The following NNT variants were observed in gnomAD, a reference collection of about 807,000 sequenced individuals.
NNT encodes the protein NAD(P) transhydrogenase, mitochondrial.
NNT carries 50 observed loss-of-function variants against 104.8 expected under a neutral mutation model. The observed-to-expected ratio is 0.48, with a 90% CI of 0.38 to 0.60. The LOEUF (loss-of-function observed/expected upper bound fraction) is 0.60, where lower values mean the gene tolerates loss of function less well. Ranked by LOEUF, NNT falls within the 20% of genes least tolerant of loss-of-function variation. The pLI, the probability that NNT is intolerant of heterozygous loss-of-function variation, is 0.00. For synonymous variants in NNT, 461 were observed against 490.4 expected (o/e 0.94, Z 0.79); for missense variants, 1,131 against 1,330.7 (o/e 0.85, Z 2.33).
chr5:43,634,972 C>T (rs1750859638), intron 7 of NNT, among the ~76,000 whole-genome samples: 1 of 152,208 alleles, frequency 6.6e-6, no homozygotes, highest in South Asian at 2.1e-4. Context: ...ATGCTTCCTT[C>T]CTGGCTTTCC....
At chr5:43,668,566 A>AT (rs1184539891) in intron 17 of NNT, among the ~76,000 whole-genome samples, 122 of 152,060 alleles carry the variant, frequency 8.0e-4, no homozygotes, top group African/African-American at 2.7e-3. Context: ...TTTTTGTCAG[A>AT]TTTGTCAAAG....
In NNT at chr5:43,651,838, T is replaced by C. The variant is rs139379760; in HGVS notation, c.1817T>C (p.Val606Ala). 9.9e-5 allele frequency: 159 copies of C among 1,614,140 alleles called. No individual in the cohort carries two copies. In the Admixed American group the frequency reaches 1.7e-3, roughly 17 times the overall value. The change falls in exon 13 of 22, where the codon GTT (valine) becomes GCT (alanine). Residue 606 changes from valine (V) to alanine (A), a missense_variant. Physicochemically the swap from Val to Ala is moderately conservative, Grantham distance 64. Transcript: ENST00000344920. ...YLYLLPAGTFVGGYLAALYSG... is the reference protein window; with the variant it reads ...YLYLLPAGTFAGGYLAALYSG... ...TACCTGCTCCCTGCCGGCACCTTTG[T>C]TGGTGGATATTTAGCTGCCCTCTAC...
chr5:43,702,315 A>AT (rs1286745010), intron 20 of NNT, among the ~76,000 whole-genome samples: 1 of 152,214 alleles, frequency 6.6e-6, no homozygotes, highest in African/African-American at 2.4e-5. Flanking sequence ...TTGCAAGATC[A>AT]TTTTGAGATC....
chr5:43,651,832 C>A lies in NNT; in HGVS notation c.1811C>A (p.Thr604Asn). ...YNYLYLLPAG[T>N]FVGGYLAALY... The stretch of plus-strand genomic sequence containing the variant: ...TACCTGTACCTGCTCCCTGCCGGCA[C>A]CTTTGTTGGTGGATATTTAGCTGCC... The change falls in exon 13 of 22, where the codon ACC (threonine) becomes AAC (asparagine). Residue 604 changes from threonine (T) to asparagine (N), a missense_variant. Transcript: ENST00000344920. The A allele has an allele frequency of 1.2e-6, 2 of 1,614,068 alleles. No individual in the cohort carries two copies. Among genetic ancestry groups the A allele is most frequent in the South Asian group, 2.2e-5 (2 of 91,074 alleles).
intron 17 of NNT, among the ~76,000 whole-genome samples, chr5:43,663,227 CCTT>C (rs1411672538): frequency 6.6e-6 from 1 of 151,906 alleles, no homozygotes; most frequent in Non-Finnish European, 1.5e-5. Flanking sequence ...TTGCAGTTTT[CCTT>C]CTTCTACATC....
At chr5:43,688,441 T>C (rs1315989091) in intron 19 of NNT, among the ~76,000 whole-genome samples, 1 of 152,164 alleles carries the variant, frequency 6.6e-6, no homozygotes, top group Non-Finnish European at 1.5e-5. Flanking sequence ...AATAGGTTTT[T>C]GGGGAATAGG....
Position 43,655,903 on chromosome 5 carries a change from G to A in NNT, c.2123G>A (p.Ser708Asn). ...CCTCAATTAGTTGCTGCTTTTCACA[G>A]TTTAGTGGGTTTGGCAGCTGTACTT... ...DLPQLVAAFH[S>N]LVGLAAVLTC... The change falls in exon 15 of 22, where the codon AGT becomes AAT. Residue 708 changes from serine (S) to asparagine (N), a missense_variant. Coordinates refer to ENST00000344920, the MANE Select transcript of NNT (RefSeq NM_182977.3). The A allele has an allele frequency of 6.2e-7, 1 of 1,614,202 alleles. No homozygotes were observed. Among genetic ancestry groups the A allele is most frequent in the Non-Finnish European group, 8.5e-7 (1 of 1,180,044 alleles).
rs1411741793 is a variant in NNT at position 43,698,848 on chromosome 5, A to G, written c.2877-1271A>G. ...CACATATATACACATACTTGCACAC[A>G]CATGCACACACACACATATATATGT... On this transcript the variant is annotated intron_variant, in intron 19 of 21. Transcript: ENST00000344920. 4.0e-5 allele frequency among the ~76,000 whole-genome samples: 6 copies of G among 150,894 alleles called. No individual in the cohort carries two copies. The East Asian group carries it at 1.2e-3, about 29-fold the overall frequency.
chr5:43,647,743 C>T (rs1739530127), intron 10 of NNT, among the ~76,000 whole-genome samples: 1 of 152,080 alleles, frequency 6.6e-6, no homozygotes, highest in African/African-American at 2.4e-5. Context: ...TAATTTTTAT[C>T]ATAGATGCCT....
chr5:43,656,826 A>G lies in NNT; in HGVS notation c.2454+13A>G, dbSNP rs1302972377. ...CTCTGCTGTCATGGTAAGAAGTCAG[A>G]GATTGAAAAGTACATATTTGGTGAA... On this transcript the variant is annotated intron_variant, in intron 16 of 21. Coordinates refer to ENST00000344920, the MANE Select transcript of NNT (RefSeq NM_182977.3). The G allele has an allele frequency of 6.2e-7, 1 of 1,603,316 alleles. No individual in the cohort carries two copies. The highest frequency in any genetic ancestry group is 8.5e-7 in the Non-Finnish European group (1 of 1,176,174).
rs966846776 is a variant in NNT, at chr5:43,705,105, T to G, written c.*701T>G. The G allele has an allele frequency of 6.6e-6, 1 of 152,186 alleles. No individual in the cohort carries two copies. The highest frequency in any genetic ancestry group is 1.5e-5 in the Non-Finnish European group (1 of 68,032). 9.4% of individuals were successfully genotyped at this position (152,186 alleles called of 1,614,324 possible). The stretch of plus-strand genomic sequence containing the variant: ...TACAACTTGAAAATTAGTAATAGTA[T>G]TTTTGAAGATCCCATTTCTAATTGG... On this transcript the variant is annotated 3_prime_UTR_variant, in exon 22 of 22. Coordinates refer to ENST00000344920, the MANE Select transcript of NNT (RefSeq NM_182977.3).
intron 4 of NNT, among the ~76,000 whole-genome samples, chr5:43,618,265 G>C (rs946420952): frequency 3.3e-5 from 5 of 152,172 alleles, no homozygotes; most frequent in Non-Finnish European, 7.4e-5. Context: ...GACCCTAAAA[G>C]ATAGATGCTT....
chr5:43,669,586 T>C (rs1475180145), intron 17 of NNT, among the ~76,000 whole-genome samples: 1 of 152,102 alleles, frequency 6.6e-6, no homozygotes, highest in African/African-American at 2.4e-5. Flanking sequence ...ATTACGTTTA[T>C]TGATTTGTGT....
At position 43,609,956 on chromosome 5, in the gene NNT, C is replaced by T. The variant is rs548569166; in HGVS notation, c.151+610C>T. ...TTCTAAATGTCTCTGTGCTTTTTAC[C>T]TCTGCCCCCTACAGTCTGTTCTGCA... On this transcript the variant is annotated intron_variant, in intron 2 of 21. Coordinates refer to ENST00000344920, the MANE Select transcript of NNT (RefSeq NM_182977.3). Among the ~76,000 whole-genome samples the T allele has an allele frequency of 6.4e-4, 98 of 152,278 alleles. 1 individual carries two copies. The highest frequency in any genetic ancestry group is 3.5e-3 in the Admixed American group (54 of 15,294).
At chr5:43,672,191 A>AT (rs1741140735) in intron 17 of NNT, among the ~76,000 whole-genome samples, 1 of 152,104 alleles carries the variant, frequency 6.6e-6, no homozygotes, top group East Asian at 1.9e-4. Flanking sequence ...TCGTCTTAAT[A>AT]TTTTTTCAAG....
intron 19 of NNT, among the ~76,000 whole-genome samples, chr5:43,695,266 G>A (rs1742500184): frequency 1.3e-5 from 2 of 152,064 alleles, no homozygotes; most frequent in South Asian, 2.1e-4. Context: ...TTTTAGGAAG[G>A]GGTCAAGTCC....
Position 43,656,778 on chromosome 5 carries a change from T to G in NNT, c.2419T>G (p.Cys807Gly). The G allele has an allele frequency of 6.2e-7, 1 of 1,614,082 alleles. No individual in the cohort carries two copies. The highest frequency in any genetic ancestry group is 8.5e-7 in the Non-Finnish European group (1 of 1,179,984). The change falls in exon 16 of 22, where the codon TGT becomes GGT. Residue 807 changes from cysteine (C) to glycine (G), a missense_variant. By Grantham distance (159) the Cys-to-Gly change is radical (BLOSUM62 -3). Transcript: ENST00000344920. ...VDPSFTTGIT[C>G]LGSVSALSAV... ...CCCAAGCTTTACTACTGGCATCACC[T>G]GTCTGGGTTCAGTGTCTGCTCTCTC...
intron 18 of NNT, among the ~76,000 whole-genome samples, chr5:43,677,317 A>G (rs1462096408): frequency 2.0e-5 from 3 of 152,136 alleles, no homozygotes; most frequent in Non-Finnish European, 4.4e-5. Context: ...TCAAGGAACT[A>G]GAGAAAGAAT....
intron 17 of NNT, among the ~76,000 whole-genome samples, chr5:43,664,409 A>G (rs1740520317): frequency 6.6e-6 from 1 of 152,210 alleles, no homozygotes; most frequent in Non-Finnish European, 1.5e-5. Flanking sequence ...CAAATCAAAA[A>G]TATTTTTTCC....
Sources: allele counts gnomAD v4.1 joint callset (sites outside exome capture counted in the v4.1 genomes callset), GRCh38; gene constraint gnomAD v4.1.1; transcripts MANE v1.5; gene names NCBI Gene and HGNC (gene_info 2026-07-23, HGNC 2026-07-21).